Variants in PTPRN2 observed in about 807,000 individuals in gnomAD.
PTPRN2 encodes the protein protein tyrosine phosphatase receptor type N2, also known as receptor-type tyrosine-protein phosphatase N2.
In PTPRN2, 74 loss-of-function variants were observed where a neutral mutation model predicts 118.8. The ratio of observed to expected loss-of-function variants is 0.62; its 90% CI spans 0.52 to 0.76. PTPRN2 has a LOEUF of 0.76. Ranked by LOEUF, PTPRN2 falls within the 30% of genes least tolerant of loss-of-function variation. PTPRN2 has a pLI of 0.00. For missense variants in PTPRN2, 1,481 were observed against 1,394.4 expected (o/e 1.06, Z -0.99); for synonymous variants, 641 against 608.0 (o/e 1.05, Z -0.80).
chr7:158,149,572 G>T (rs568398413), intron 6 of PTPRN2, among the ~76,000 whole-genome samples: 190 of 152,296 alleles, frequency 1.2e-3, no homozygotes, highest in Middle Eastern at 6.8e-3. Context: ...GGGGTCCGAG[G>T]TGGGTGGATC....
intron 2 of PTPRN2, among the ~76,000 whole-genome samples, chr7:158,479,878 C>A (rs565218029): frequency 7.2e-5 from 11 of 152,386 alleles, no homozygotes; most frequent in African/African-American, 2.4e-4. Flanking sequence ...GTCATCCTCG[C>A]TGCTGTGGGA....
intron 1 of PTPRN2, among the ~76,000 whole-genome samples, chr7:158,501,438 G>C (rs1822351826): frequency 6.6e-6 from 1 of 152,204 alleles, no homozygotes; most frequent in Non-Finnish European, 1.5e-5. Context: ...GGCCAATCCT[G>C]AACGGGAGAA....
At chr7:158,569,290 C>T (rs1827833536) in intron 1 of PTPRN2, among the ~76,000 whole-genome samples, 1 of 144,032 alleles carries the variant, frequency 6.9e-6, no homozygotes, top group South Asian at 2.5e-4. Context: ...TGTCCCTGAG[C>T]GAACGCACCG....
At chr7:158,316,497 G>A (rs549728360) in intron 3 of PTPRN2, among the ~76,000 whole-genome samples, 30 of 152,242 alleles carry the variant, frequency 2.0e-4, no homozygotes, top group Non-Finnish European at 3.7e-4. Flanking sequence ...GCCGAGCCAC[G>A]CCTGCACTGG....
intron 11 of PTPRN2, among the ~76,000 whole-genome samples, chr7:158,031,476 T>C (rs2128882412): frequency 6.6e-6 from 1 of 152,358 alleles, no homozygotes; most frequent in East Asian, 1.9e-4. Flanking sequence ...CCAAATTCCG[T>C]CACTCTGTGA....
At chr7:158,038,716 T>C (rs1808246794) in intron 11 of PTPRN2, among the ~76,000 whole-genome samples, 1 of 148,474 alleles carries the variant, frequency 6.7e-6, no homozygotes, top group African/African-American at 2.4e-5. Flanking sequence ...TTATATTATA[T>C]AATATGTAGT....
At chr7:158,450,450 C>T (rs543308159) in intron 2 of PTPRN2, among the ~76,000 whole-genome samples, 2 of 152,330 alleles carry the variant, frequency 1.3e-5, no homozygotes, top group East Asian at 3.9e-4. Context: ...CGCACAAAAA[C>T]GCATCGTATA....
chr7:158,023,566 T>C (rs1209557479), intron 11 of PTPRN2, among the ~76,000 whole-genome samples: 1 of 152,192 alleles, frequency 6.6e-6, no homozygotes, highest in African/African-American at 2.4e-5. Context: ...AGGAGCGAGT[T>C]CCTTGTTCTG....
In PTPRN2 at chr7:157,634,276, A is replaced by G. The variant is rs182394735; in HGVS notation, c.2197-12767T>C. On this transcript the variant is annotated intron_variant, in intron 14 of 22. Coordinates refer to ENST00000389418, the MANE Select transcript of PTPRN2 (RefSeq NM_002847.5). ...GTCATACCTACCCTTAAGTTACCTG[A>G]AGTTAACAGTCTGGATAAAAACCTG... 1.9e-3 allele frequency among the ~76,000 whole-genome samples: 285 copies of G among 152,310 alleles called. 3 individuals are homozygous for G. The highest frequency in any genetic ancestry group is 5.4e-4 in the Non-Finnish European group (37 of 68,028).
chr7:158,542,857 G>A (rs1014425084), intron 1 of PTPRN2, among the ~76,000 whole-genome samples: 3 of 151,288 alleles, frequency 2.0e-5, no homozygotes, highest in African/African-American at 4.9e-5. Context: ...CACTGTCTAC[G>A]GAACAGCCAG....
At chr7:157,757,477 C>A (rs1414812861) in intron 12 of PTPRN2, among the ~76,000 whole-genome samples, 2 of 152,116 alleles carry the variant, frequency 1.3e-5, no homozygotes, top group African/African-American at 4.8e-5. Context: ...CAGGCGCGGG[C>A]AGGGCCGGGG....
intron 10 of PTPRN2, among the ~76,000 whole-genome samples, chr7:158,083,849 G>A (rs540533889): frequency 6.6e-6 from 1 of 151,212 alleles, no homozygotes; most frequent in East Asian, 2.0e-4. Flanking sequence ...CCTGTGGGAG[G>A]ACGGGGCATG....
intron 14 of PTPRN2, among the ~76,000 whole-genome samples, chr7:157,643,815 G>A (rs1349848740): frequency 4.6e-5 from 7 of 152,238 alleles, no homozygotes; most frequent in South Asian, 2.1e-4. Context: ...CAGCCTCTCC[G>A]TCAGGCCTCG....
intron 12 of PTPRN2, among the ~76,000 whole-genome samples, chr7:157,844,157 G>C (rs560863818): frequency 6.6e-6 from 1 of 152,344 alleles, no homozygotes; most frequent in African/African-American, 2.4e-5. Flanking sequence ...TGGAACGCAG[G>C]CCTTTTGAAC....
chr7:158,376,321 G>A (rs967180191), intron 2 of PTPRN2, among the ~76,000 whole-genome samples: 1 of 138,468 alleles, frequency 7.2e-6, no homozygotes, highest in Admixed American at 7.1e-5. Flanking sequence ...CTCCCCCACG[G>A]CCCTGTCACA....
intron 1 of PTPRN2, among the ~76,000 whole-genome samples, chr7:158,500,291 T>C (rs1460839070): frequency 6.6e-6 from 1 of 152,212 alleles, no homozygotes; most frequent in East Asian, 1.9e-4. Flanking sequence ...GACTGACACT[T>C]TAGGAGGATA....
At chr7:157,928,995 G>A (rs1198826875) in intron 11 of PTPRN2, among the ~76,000 whole-genome samples, 1 of 152,132 alleles carries the variant, frequency 6.6e-6, no homozygotes, top group Non-Finnish European at 1.5e-5. Context: ...CAGAACGTCA[G>A]GGCAGGAGGG....
intron 2 of PTPRN2, 102 bp downstream of exon 2, chr7:158,489,633 C>T (rs1375948898): frequency 1.6e-6 from 2 of 1,279,360 alleles, no homozygotes; most frequent in African/African-American, 1.6e-5. Context: ...CCCCGGGCGG[C>T]CCCAGCTCCA....
chr7:158,577,798 T>A lies in PTPRN2; in HGVS notation c.112+9760A>T, dbSNP rs116205365. On this transcript the variant is annotated intron_variant, in intron 1 of 22. Coordinates refer to ENST00000389418, the MANE Select transcript of PTPRN2 (RefSeq NM_002847.5). ...ACAGGGCCCATCCAGGGCCCACAGG[T>A]CTCCCCTTGGACTCTGACACAATCC... Among the ~76,000 whole-genome samples the A allele has an allele frequency of 9.8e-3, 1,489 of 152,326 alleles. 27 individuals are homozygous for A. Among genetic ancestry groups the A allele is most frequent in the African/African-American group, 0.033 (1,381 of 41,576 alleles).
Sources: allele counts gnomAD v4.1 joint callset (sites outside exome capture counted in the v4.1 genomes callset), GRCh38; gene constraint gnomAD v4.1.1; transcripts MANE v1.5; gene names NCBI Gene and HGNC (gene_info 2026-07-23, HGNC 2026-07-21).